Variants in SLC2A13 observed in about 807,000 individuals in gnomAD.
SLC2A13 encodes solute carrier family 2 member 13.
In SLC2A13, 32 loss-of-function variants were observed where a neutral mutation model predicts 64.4. The observed-to-expected ratio is 0.50, with a 90% CI of 0.37 to 0.67. The LOEUF is 0.67. SLC2A13 is among the 30% of genes least tolerant of loss of function. The pLI is 0.00. For missense variants in SLC2A13, 743 were observed against 829.2 expected (o/e 0.90, Z 1.28); for synonymous variants, 338 against 327.1 (o/e 1.03, Z -0.36).
chr12:39,829,341 C>T (rs59413287), intron 7 of SLC2A13: 2 of 128,966 alleles, frequency 1.6e-5, no homozygotes, highest in Admixed American at 1.6e-4. Flanking sequence ...GAAAAGGCCT[C>T]TAAGAATAAA....
At position 39,866,878 on chromosome 12, in the gene SLC2A13, C is replaced by G. The variant is rs1447615886; in HGVS notation, c.1199-1996G>C. ...ACAGCAAGCCTTCAAAATAACAGAA[C>G]AAAGTTGAAGGATGGGGAGGATTAA... On this transcript the variant is annotated intron_variant, in intron 5 of 9. Coordinates refer to ENST00000280871, the MANE Select transcript of SLC2A13 (RefSeq NM_052885.4). Among the ~76,000 whole-genome samples the G allele has an allele frequency of 3.9e-5, 6 of 152,234 alleles. No individual in the cohort carries two copies. In the East Asian group the frequency reaches 9.6e-4, roughly 24 times the overall value.
At chr12:39,811,089 T>C (rs1942143472) in intron 7 of SLC2A13, among the ~76,000 whole-genome samples, 1 of 152,128 alleles carries the variant, frequency 6.6e-6, no homozygotes, top group South Asian at 2.1e-4. Context: ...ATTTTTTAAA[T>C]AGATGATTTA....
At chr12:39,898,880 T>C (rs1213407568) in intron 4 of SLC2A13, among the ~76,000 whole-genome samples, 2 of 152,118 alleles carry the variant, frequency 1.3e-5, no homozygotes, top group African/African-American at 4.8e-5. Flanking sequence ...CCCTTGTATA[T>C]AAAATGGAAA....
chr12:39,844,052 G>T lies in SLC2A13; in HGVS notation c.1320-13824C>A, dbSNP rs1247383418. On this transcript the variant is annotated intron_variant, in intron 6 of 9. Transcript: ENST00000280871. ...AGGTAAGAACACAGTTTTGCTTGGGGCTCATCATTACTGTCTGAAAACTCC... is the reference window on the plus strand; with the variant it reads ...AGGTAAGAACACAGTTTTGCTTGGGTCTCATCATTACTGTCTGAAAACTCC... 2.0e-5 allele frequency among the ~76,000 whole-genome samples: 3 copies of T among 151,892 alleles called. 1 individual carries two copies. Among genetic ancestry groups the T allele is most frequent in the African/African-American group, 7.2e-5 (3 of 41,388 alleles).
intron 7 of SLC2A13, among the ~76,000 whole-genome samples, chr12:39,826,088 AAT>A (rs1942666122): frequency 6.6e-6 from 1 of 152,110 alleles, no homozygotes. Context: ...AATTTACTGA[AAT>A]ATCTATACAT....
In SLC2A13 at chr12:39,808,709, T is replaced by C. The variant is rs930006562; in HGVS notation, c.1445+21394A>G. 2.0e-5 allele frequency among the ~76,000 whole-genome samples: 3 copies of C among 152,318 alleles called. No homozygotes were observed. In the East Asian group the frequency reaches 5.8e-4, roughly 29 times the overall value. ...TTGAACATTATATCTATGTGCTTAT[T>C]TGCCATCTTTTTATAGTCTTTTGTG... is the stretch of plus-strand genomic sequence containing the variant. On this transcript the variant is annotated intron_variant, in intron 7 of 9. Transcript: ENST00000280871.
At chr12:40,079,410 TAC>T (rs1208288129) in intron 1 of SLC2A13, among the ~76,000 whole-genome samples, 1 of 152,244 alleles carries the variant, frequency 6.6e-6, no homozygotes, top group Admixed American at 6.5e-5. Flanking sequence ...CAAGTAATTG[TAC>T]AGTTTGGGGG....
chr12:39,974,347 C>A (rs1164248873), intron 3 of SLC2A13, among the ~76,000 whole-genome samples: 1 of 152,186 alleles, frequency 6.6e-6, no homozygotes, highest in African/African-American at 2.4e-5. Context: ...ATGAACAGCA[C>A]AGAGAGGGTT....
At chr12:40,021,457 G>A (rs188411955) in intron 3 of SLC2A13, among the ~76,000 whole-genome samples, 79 of 152,296 alleles carry the variant, frequency 5.2e-4, no homozygotes, top group African/African-American at 1.8e-3. Context: ...GTTGTGTATT[G>A]TTTTAATAGT....
chr12:40,095,771 CTTG>C (rs928471244), intron 1 of SLC2A13, among the ~76,000 whole-genome samples: 14 of 152,254 alleles, frequency 9.2e-5, no homozygotes, highest in African/African-American at 3.4e-4. Context: ...TCAAAATAAA[CTTG>C]TTGAATGAAG....
At position 39,790,231 on chromosome 12, in the gene SLC2A13, T is replaced by C. The variant is rs550603702; in HGVS notation, c.1446-25373A>G. 1.3e-4 allele frequency among the ~76,000 whole-genome samples: 20 copies of C among 152,082 alleles called. No individual in the cohort carries two copies. In the South Asian group the frequency reaches 3.7e-3, roughly 28 times the overall value. ...TTTTTTTTTTCTTCTTCTTCTTTTTTTATTATACTTTAAGTTTTAGGGTAC... is the reference window on the plus strand; with the variant it reads ...TTTTTTTTTTCTTCTTCTTCTTTTTCTATTATACTTTAAGTTTTAGGGTAC... On this transcript the variant is annotated intron_variant, in intron 7 of 9. Transcript: ENST00000280871.
intron 4 of SLC2A13, chr12:39,908,043 C>T (rs542088874): frequency 2.0e-5 from 3 of 152,148 alleles, no homozygotes; most frequent in African/African-American, 7.2e-5. Flanking sequence ...CCAGAAGAAC[C>T]ACATAGACTT....
At chr12:39,918,513 A>C (rs1284701580) in intron 4 of SLC2A13, among the ~76,000 whole-genome samples, 1 of 152,094 alleles carries the variant, frequency 6.6e-6, no homozygotes, top group Non-Finnish European at 1.5e-5. Flanking sequence ...AGAAGAAAAC[A>C]AAACATGTTA....
intron 3 of SLC2A13, among the ~76,000 whole-genome samples, chr12:39,991,702 C>A (rs1300652953): frequency 6.6e-6 from 1 of 152,166 alleles, no homozygotes; most frequent in Non-Finnish European, 1.5e-5. Flanking sequence ...ATATGTCCCA[C>A]TCACCATCCT....
At chr12:39,832,101 T>C (rs1246797236) in intron 6 of SLC2A13, among the ~76,000 whole-genome samples, 2 of 152,108 alleles carry the variant, frequency 1.3e-5, no homozygotes, top group Non-Finnish European at 2.9e-5. Flanking sequence ...GAGAGGCCAT[T>C]CAAATGTACT....
At position 39,947,632 on chromosome 12, in the gene SLC2A13, T is replaced by A. The variant is rs538525946; in HGVS notation, c.1034+3625A>T. Among the ~76,000 whole-genome samples the A allele has an allele frequency of 7.2e-5, 11 of 151,984 alleles. No homozygotes were observed. In the South Asian group the frequency reaches 2.3e-3, roughly 32 times the overall value. The stretch of plus-strand genomic sequence containing the variant: ...AACATCTTTGATATTATAACTAGAG[T>A]TTAGAATAGATCACAGTGAGAATTT... On this transcript the variant is annotated intron_variant, in intron 4 of 9. Coordinates refer to ENST00000280871, the MANE Select transcript of SLC2A13 (RefSeq NM_052885.4).
chr12:40,007,706 A>C (rs933649203), intron 3 of SLC2A13, among the ~76,000 whole-genome samples: 6 of 152,174 alleles, frequency 3.9e-5, no homozygotes, highest in Non-Finnish European at 7.4e-5. Flanking sequence ...TAACTTCTCT[A>C]TCAATTTTTA....
intron 7 of SLC2A13, among the ~76,000 whole-genome samples, chr12:39,782,000 A>T (rs973497674): frequency 1.3e-5 from 2 of 152,190 alleles, no homozygotes; most frequent in Non-Finnish European, 2.9e-5. Flanking sequence ...ACTGAAAATT[A>T]CCCAACATCT....
In SLC2A13 at chr12:39,939,184, C is replaced by T. The variant is rs978530403; in HGVS notation, c.1034+12073G>A. ...CCTTCTCTATTCCACTTCCCTTACT[C>T]CTTTTCTCATCCTCTTGATATCGTC... On this transcript the variant is annotated intron_variant, in intron 4 of 9. Transcript: ENST00000280871. 3.9e-5 allele frequency among the ~76,000 whole-genome samples: 6 copies of T among 152,284 alleles called. No individual in the cohort carries two copies. In the South Asian group the frequency reaches 1.0e-3, roughly 26 times the overall value.
Sources: allele counts gnomAD v4.1 joint callset (sites outside exome capture counted in the v4.1 genomes callset), GRCh38; gene constraint gnomAD v4.1.1; transcripts MANE v1.5; gene names NCBI Gene and HGNC (gene_info 2026-07-23, HGNC 2026-07-21).